Variants in COL4A6 observed in about 807,000 individuals in gnomAD.
COL4A6 encodes collagen type IV alpha 6 chain.
COL4A6 carries 59 observed loss-of-function variants against 126.7 expected under a neutral mutation model. That is an observed-to-expected ratio of 0.47 (90% CI 0.38 to 0.58). COL4A6 has a LOEUF of 0.58. Among genes scored for constraint, COL4A6 ranks in the 20% least tolerant of loss-of-function variants. The pLI, the probability that COL4A6 is intolerant of heterozygous loss-of-function variation, is 0.00. For synonymous variants in COL4A6, 547 were observed against 496.6 expected (o/e 1.10, Z -1.35); for missense variants, 1,285 against 1,337.3 (o/e 0.96, Z 0.61).
chrX:108,169,764 G>T (rs1293818704), intron 36 of COL4A6, 144 bp from the exon 37 acceptor site: 2 of 939,208 alleles, frequency 2.1e-6, no homozygotes, highest in Admixed American at 7.4e-5. Flanking sequence ...GTTAATCTGA[G>T]TAGAAGAAAA....
chrX:108,260,083 T>C (rs1280796537), intron 3 of COL4A6, among the ~76,000 whole-genome samples: 1 of 110,255 alleles, frequency 9.1e-6, no homozygotes, highest in Non-Finnish European at 1.9e-5. Context: ...AGATAAGAAA[T>C]GCTTATAATT....
At chrX:108,165,137 G>T in intron 38 of COL4A6, 99 bp from the exon 39 acceptor site, 2 of 920,274 alleles carry the variant, frequency 2.2e-6, no homozygotes, top group Non-Finnish European at 3.1e-6. Flanking sequence ...CCATTCCCAG[G>T]ACAGAGAATG....
intron 3 of COL4A6, among the ~76,000 whole-genome samples, chrX:108,248,600 T>C (rs997578231): frequency 2.7e-4 from 30 of 111,511 alleles, no homozygotes; most frequent in African/African-American, 9.4e-4. Flanking sequence ...ACTCATTGTA[T>C]TACCTAAGCA....
Position 108,187,276 on chromosome X carries a change from CACCCTAG to C in COL4A6, c.1768-4_1770del. The C allele has an allele frequency of 8.9e-7, 1 of 1,119,374 alleles. No individual in the cohort carries two copies. The highest frequency in any genetic ancestry group is 1.2e-6 in the Non-Finnish European group (1 of 843,754). 92.2% of individuals were successfully genotyped at this position (1,119,374 alleles called of 1,213,427 possible). Reference sequence around the variant, plus strand: ...TCACCTGGGAAGCCCTGTCCACCATCACCCTAGACAACATATAAAACAAAGAATGAAA... The same window carrying C: ...TCACCTGGGAAGCCCTGTCCACCATCACAACATATAAAACAAAGAATGAAA... On this transcript the variant is annotated splice_acceptor_variant and splice_polypyrimidine_tract_variant and coding_sequence_variant and intron_variant, in exon 23 of 45. Coordinates refer to ENST00000334504, the MANE Select transcript of COL4A6 (RefSeq NM_033641.4). LOFTEE classifies it high-confidence loss of function.
chrX:108,343,162 TATA>T (rs1324317500), intron 2 of COL4A6, among the ~76,000 whole-genome samples: 6,195 of 35,175 alleles, frequency 0.18, 243 homozygotes, highest in East Asian at 0.32. Context: ...TATATATATA[TATA>T]GTGTGTGTGT....
intron 36 of COL4A6, 32 bp from the exon 37 acceptor site, chrX:108,169,652 C>T (rs912246801): frequency 1.5e-5 from 18 of 1,184,932 alleles, no homozygotes; most frequent in Non-Finnish European, 1.9e-5. Context: ...GGGGGCAGAC[C>T]TCAGTGGAGG....
chrX:108,402,027 G>A (rs970069315), intron 2 of COL4A6, among the ~76,000 whole-genome samples: 5 of 110,942 alleles, frequency 4.5e-5, no homozygotes, highest in African/African-American at 1.6e-4. Flanking sequence ...TTTTGTTTAG[G>A]ATTGTTACAT....
Position 108,169,559 on chromosome X carries a change from T to G in COL4A6, c.3627A>C (p.Gly1209=), listed in dbSNP as rs376112982. ...GAGCTCCGATGCCAATTCCTGGATA[T>G]CCTTTTTCTCCTTTGGGTCCAGGGA... ...AGLPGPKGEK[G]YPGIGIGAPG... Residue 1209 remains glycine (G), a synonymous_variant, in exon 37 of 45, where the codon GGA becomes GGC. Coordinates refer to ENST00000334504, the MANE Select transcript of COL4A6 (RefSeq NM_033641.4). 14 of 1,211,267 alleles carry G rather than the reference T, an allele frequency of 1.2e-5. No homozygotes were observed. Among genetic ancestry groups the G allele is most frequent in the Non-Finnish European group, 1.6e-5 (14 of 895,407 alleles).
intron 16 of COL4A6, 77 bp downstream of exon 16, chrX:108,194,457 T>C: frequency 2.1e-6 from 2 of 965,195 alleles, no homozygotes; most frequent in South Asian, 4.8e-5. Context: ...TTAAAAATAC[T>C]TCATCTTATA....
intron 2 of COL4A6, among the ~76,000 whole-genome samples, chrX:108,346,453 A>C (rs989619569): frequency 3.6e-5 from 4 of 111,762 alleles, no homozygotes; most frequent in African/African-American, 1.3e-4. Context: ...TTCCCACCAA[A>C]AAGGTTTCTT....
chrX:108,197,381 G>T (rs2148179371), intron 13 of COL4A6, among the ~76,000 whole-genome samples: 1 of 112,264 alleles, frequency 8.9e-6, no homozygotes, highest in South Asian at 3.8e-4. Context: ...CCAAGATACA[G>T]AATAGTTCAG....
intron 2 of COL4A6, among the ~76,000 whole-genome samples, chrX:108,344,816 C>A (rs1406915375): frequency 2.7e-5 from 3 of 111,857 alleles, no homozygotes; most frequent in African/African-American, 9.8e-5. Flanking sequence ...TTTCCTCCAT[C>A]AAGAGCAGCA....
At chrX:108,277,133 G>A (rs1327816953) in intron 3 of COL4A6, among the ~76,000 whole-genome samples, 1 of 111,631 alleles carries the variant, frequency 9.0e-6, no homozygotes, top group Non-Finnish European at 1.9e-5. Flanking sequence ...TCACTAGGGA[G>A]TGCCAGACAG....
chrX:108,187,821 C>T (rs993566629), intron 22 of COL4A6, 27 bp downstream of exon 22: 54 of 1,174,654 alleles, frequency 4.6e-5, no homozygotes, highest in Non-Finnish European at 5.7e-5. Context: ...ATCTGTAGAG[C>T]TAATCACCTA....
chrX:108,295,903 TTC>T (rs992739191), intron 3 of COL4A6, among the ~76,000 whole-genome samples: 6 of 112,157 alleles, frequency 5.3e-5, no homozygotes, highest in African/African-American at 1.9e-4. Flanking sequence ...AATCTAGACA[TTC>T]TGTTTTTAGT....
chrX:108,175,158 T>C lies in COL4A6; in HGVS notation c.2888A>G (p.Asn963Ser). The C allele has an allele frequency of 8.3e-7, 1 of 1,202,949 alleles. No homozygotes were observed. The highest frequency in any genetic ancestry group is 1.1e-6 in the Non-Finnish European group (1 of 891,281). Reference sequence around the variant, plus strand: ...GCCTTTGTCTCCTTTGAGCCAAAGGTTTGACATTGGACGTCTTGGACTAGG... The same window carrying C: ...GCCTTTGTCTCCTTTGAGCCAAAGGCTTGACATTGGACGTCTTGGACTAGG... ...GIPSPRRPMSNLWLKGDKGSQ... is the reference protein window; with the variant it reads ...GIPSPRRPMSSLWLKGDKGSQ... Residue 963 changes from asparagine (N) to serine (S), a missense_variant, in exon 30 of 45, where the codon AAC (asparagine) becomes AGC (serine). Asn to Ser is a conservative substitution (Grantham distance 46). Coordinates refer to ENST00000334504, the MANE Select transcript of COL4A6 (RefSeq NM_033641.4).
intron 43 of COL4A6, 166 bp from the exon 44 acceptor site, chrX:108,159,914 T>C (rs2033867031): frequency 1.8e-6 from 1 of 549,212 alleles, no homozygotes; most frequent in Non-Finnish European, 3.2e-6. Context: ...CAAATTCTAT[T>C]TTAAATGCAC....
intron 2 of COL4A6, among the ~76,000 whole-genome samples, chrX:108,321,368 G>GT (rs979484767): frequency 5.4e-5 from 6 of 110,671 alleles, no homozygotes; most frequent in African/African-American, 1.3e-4. Context: ...TTTTGTTGTT[G>GT]TTTTTTATTG....
chrX:108,375,254 T>C (rs777209623), intron 2 of COL4A6, among the ~76,000 whole-genome samples: 1 of 111,982 alleles, frequency 8.9e-6, no homozygotes, highest in South Asian at 3.8e-4. Context: ...GGTTATTTTT[T>C]CCAAATGTAG....
Sources: gnomAD v4.1 joint callset for allele counts (sites outside exome capture counted in the v4.1 genomes callset) on GRCh38, gnomAD v4.1.1 for gene constraint, MANE v1.5 for transcripts, NCBI Gene and HGNC (gene_info 2026-07-23, HGNC 2026-07-21) for gene names.